PHACTR1: variants seen among roughly 807,000 people sequenced by gnomAD.
PHACTR1 encodes the protein RPEL repeat containing 1.
PHACTR1 carries 16 observed loss-of-function variants against 69.2 expected under a neutral mutation model. The ratio of observed to expected loss-of-function variants is 0.23; its 90% CI spans 0.16 to 0.35. The LOEUF (loss-of-function observed/expected upper bound fraction) is 0.35. Ranked by LOEUF, PHACTR1 falls within the 10% of genes least tolerant of loss-of-function variation. PHACTR1 has a pLI of 1.00. For missense variants in PHACTR1, 510 were observed against 734.7 expected (o/e 0.69, Z 3.54); for synonymous variants, 312 against 284.5 (o/e 1.10, Z -0.97).
chr6:12,874,562 A>G (rs1382075983), intron 4 of PHACTR1, among the ~76,000 whole-genome samples: 5 of 152,140 alleles, frequency 3.3e-5, no homozygotes, highest in Non-Finnish European at 5.9e-5. Flanking sequence ...TTAGCTAAAG[A>G]TCTAATTGGT....
At chr6:12,764,816 A>T (rs986304199) in intron 4 of PHACTR1, among the ~76,000 whole-genome samples, 5 of 152,076 alleles carry the variant, frequency 3.3e-5, no homozygotes, top group African/African-American at 9.7e-5. Context: ...GAAAATGTCT[A>T]GAGGTCATGG....
intron 4 of PHACTR1, among the ~76,000 whole-genome samples, chr6:12,811,743 C>T (rs897504277): frequency 6.6e-6 from 1 of 152,176 alleles, no homozygotes; most frequent in African/African-American, 2.4e-5. Flanking sequence ...CTGGGCCTGT[C>T]TTCATCAGGT....
At chr6:12,824,368 G>T (rs149604877) in intron 4 of PHACTR1, among the ~76,000 whole-genome samples, 1 of 151,978 alleles carries the variant, frequency 6.6e-6, no homozygotes, top group Non-Finnish European at 1.5e-5. Flanking sequence ...AATAAAATGC[G>T]CCATAAATGT....
intron 4 of PHACTR1, among the ~76,000 whole-genome samples, chr6:13,030,422 G>T (rs1187696256): frequency 2.0e-5 from 3 of 152,168 alleles, no homozygotes; most frequent in African/African-American, 7.2e-5. Flanking sequence ...GTATTAAAAT[G>T]CAGAACATAA....
rs968769718 is a variant in PHACTR1, at chr6:13,063,770, A to C, written c.415+10241A>C. ...ACTCCAGCCTGGGCAATGGAGTGAG[A>C]CCCTGTCTGAAAAAAAAAAAAAATT... On this transcript the variant is annotated intron_variant, in intron 5 of 14. Transcript: ENST00000332995. 4.0e-5 allele frequency among the ~76,000 whole-genome samples: 6 copies of C among 150,982 alleles called. No homozygotes were observed. In the East Asian group the frequency reaches 1.2e-3, roughly 29 times the overall value.
chr6:13,207,896 C>T (rs540692785), intron 8 of PHACTR1, among the ~76,000 whole-genome samples: 1 of 152,038 alleles, frequency 6.6e-6, no homozygotes, highest in South Asian at 2.1e-4. Context: ...TCCTGACTCT[C>T]GGTGGCTTTC....
chr6:12,970,600 A>G (rs1259242767), intron 4 of PHACTR1, among the ~76,000 whole-genome samples: 1 of 152,160 alleles, frequency 6.6e-6, no homozygotes, highest in Non-Finnish European at 1.5e-5. Flanking sequence ...TACTAAAAAT[A>G]CAAAAATTAG....
intron 4 of PHACTR1, among the ~76,000 whole-genome samples, chr6:12,876,705 G>T (rs112065516): frequency 3.6e-4 from 55 of 152,274 alleles, no homozygotes; most frequent in African/African-American, 1.2e-3. Flanking sequence ...AAGTATATTA[G>T]TCAAAGTTCT....
intron 4 of PHACTR1, among the ~76,000 whole-genome samples, chr6:12,796,506 C>T (rs1034112416): frequency 1.3e-5 from 2 of 152,180 alleles, no homozygotes; most frequent in Non-Finnish European, 2.9e-5. Context: ...TGCTTGACTT[C>T]GGATGTCTTG....
At chr6:13,146,227 G>A (rs1359333725) in intron 5 of PHACTR1, among the ~76,000 whole-genome samples, 1 of 152,152 alleles carries the variant, frequency 6.6e-6, no homozygotes, top group East Asian at 1.9e-4. Flanking sequence ...AGAGTGCATG[G>A]TTCCTAATAC....
intron 7 of PHACTR1, among the ~76,000 whole-genome samples, chr6:13,200,198 G>C (rs1203230184): frequency 6.6e-6 from 1 of 151,098 alleles, no homozygotes; most frequent in Admixed American, 6.6e-5. Context: ...CCTTGTATAT[G>C]CTGAGCATTT....
intron 10 of PHACTR1, among the ~76,000 whole-genome samples, chr6:13,233,325 T>G (rs1771513730): frequency 1.3e-4 from 1 of 7,906 alleles, no homozygotes; most frequent in African/African-American, 1.5e-3. Context: ...TTCCCAACTC[T>G]TCCCCTTATA....
At chr6:13,102,216 G>C (rs1815275473) in intron 5 of PHACTR1, among the ~76,000 whole-genome samples, 1 of 152,190 alleles carries the variant, frequency 6.6e-6, no homozygotes, top group South Asian at 2.1e-4. Flanking sequence ...CCCATGGAAG[G>C]AACTATTGAT....
At chr6:12,745,503 C>T (rs1490190873) in intron 3 of PHACTR1, among the ~76,000 whole-genome samples, 1 of 152,054 alleles carries the variant, frequency 6.6e-6, no homozygotes, top group East Asian at 1.9e-4. Context: ...TGCCTACATC[C>T]ACATATTCAC....
intron 5 of PHACTR1, among the ~76,000 whole-genome samples, chr6:13,144,601 C>G (rs1330352746): frequency 6.6e-6 from 1 of 151,452 alleles, no homozygotes; most frequent in Non-Finnish European, 1.5e-5. Context: ...CAAACTGATT[C>G]TAAAATATGT....
intron 8 of PHACTR1, among the ~76,000 whole-genome samples, chr6:13,208,634 C>T (rs901515019): frequency 2.7e-5 from 4 of 150,662 alleles, no homozygotes; most frequent in South Asian, 2.1e-4. Flanking sequence ...GCTGCCCACC[C>T]CCCCAACCCC....
At chr6:13,112,039 C>G (rs1374657156) in intron 5 of PHACTR1, among the ~76,000 whole-genome samples, 2 of 152,152 alleles carry the variant, frequency 1.3e-5, no homozygotes, top group African/African-American at 4.8e-5. Context: ...ATCCTTCACC[C>G]TCCATTAGGC....
At chr6:13,150,201 C>G (rs1020555152) in intron 5 of PHACTR1, among the ~76,000 whole-genome samples, 1 of 152,004 alleles carries the variant, frequency 6.6e-6, no homozygotes, top group Non-Finnish European at 1.5e-5. Flanking sequence ...ACAAGTTAGC[C>G]TGGTGTGGTA....
Position 12,838,172 on chromosome 6 carries a change from C to T in PHACTR1, c.250+88382C>T, listed in dbSNP as rs114850684. ...TTGTATAATTACAGAAGTGACAGCCCGTCCCCGTGGCTATAACATACCGAG... is the reference window on the plus strand; with the variant it reads ...TTGTATAATTACAGAAGTGACAGCCTGTCCCCGTGGCTATAACATACCGAG... On this transcript the variant is annotated intron_variant, in intron 4 of 14. Coordinates refer to ENST00000332995, the MANE Select transcript of PHACTR1 (RefSeq NM_030948.6). Among the ~76,000 whole-genome samples the T allele has an allele frequency of 7.7e-3, 1,174 of 152,284 alleles. 19 individuals are homozygous for T. The highest frequency in any genetic ancestry group is 0.024 in the African/African-American group (1,010 of 41,546).
Sources: gnomAD v4.1 joint callset for allele counts (sites outside exome capture counted in the v4.1 genomes callset) on GRCh38, gnomAD v4.1.1 for gene constraint, MANE v1.5 for transcripts, NCBI Gene and HGNC (gene_info 2026-07-23, HGNC 2026-07-21) for gene names.